The following CNNM4 variants were observed in gnomAD, a reference collection of about 807,000 sequenced individuals.
CNNM4 encodes metal transporter CNNM4.
In CNNM4, 32 loss-of-function variants were observed where a neutral mutation model predicts 53.7. The observed-to-expected ratio is 0.60, with a 90% CI of 0.45 to 0.80. The LOEUF (loss-of-function observed/expected upper bound fraction) is 0.80. CNNM4 is among the 30% of genes least tolerant of loss of function. The pLI, the probability that CNNM4 is intolerant of heterozygous loss-of-function variation, is 0.00. For missense variants in CNNM4, 784 were observed against 1,022.0 expected, an observed-to-expected ratio of 0.77 and a Z score of 3.17; for synonymous variants, 410 against 440.0, an observed-to-expected ratio of 0.93 and a Z score of 0.85.
chr2:96,792,802 C>CA (rs1250699840), intron 1 of CNNM4, among the ~76,000 whole-genome samples: 65 of 146,856 alleles, frequency 4.4e-4, no homozygotes, highest in African/African-American at 1.0e-3. Flanking sequence ...GACTACATCT[C>CA]AAAAAAAAAA....
chr2:96,785,190 T>C (rs1330977682), intron 1 of CNNM4, among the ~76,000 whole-genome samples: 1 of 152,198 alleles, frequency 6.6e-6, no homozygotes, highest in Admixed American at 6.5e-5. Context: ...TACGGGGTAT[T>C]CTAAAGGGAG....
At position 96,808,347 on chromosome 2, in the gene CNNM4, T is replaced by A. The variant is rs2079227000; in HGVS notation, c.1949-214T>A. Among the ~76,000 whole-genome samples the A allele has an allele frequency of 6.6e-6, 1 of 152,248 alleles. No homozygotes were observed. On this transcript the variant is annotated intron_variant, in intron 5 of 6. Transcript: ENST00000377075. This position sits in a 1 kb window ranked among gnomAD's most constrained non-coding sequence, Gnocchi z 4.9. ...TTGTTTTGGTAGACTTTTTAATACT[T>A]GTTGCACAATAGTTCTAAACAAACT...
chr2:96,809,433 G>A lies in CNNM4; in HGVS notation c.2244G>A (p.Glu748=), dbSNP rs765943725. The change falls in exon 7 of 7, where the codon GAG becomes GAA. Residue 748 remains glutamate (E), a synonymous_variant. Coordinates refer to ENST00000377075, the MANE Select transcript of CNNM4 (RefSeq NM_020184.4). ...THMENLAEKS[E]LPVVDETTTL... is the part of the protein sequence containing the mutation. ...TGGAGAACTTGGCCGAGAAGTCTGA[G>A]CTGCCTGTGGTGGACGAGACCACAA... 27 of 1,614,104 alleles carry A rather than the reference G, an allele frequency of 1.7e-5. No homozygotes were observed. In the Admixed American group the frequency reaches 2.3e-4, roughly 14 times the overall value.
chr2:96,763,653 A>G (rs1459616448), intron 1 of CNNM4, among the ~76,000 whole-genome samples: 5 of 152,040 alleles, frequency 3.3e-5, no homozygotes, highest in African/African-American at 1.2e-4. Context: ...ACAGCTTTGG[A>G]GTGGGATAGG....
Position 96,800,535 on chromosome 2 carries a change from C to T in CNNM4, c.1948+887C>T, listed in dbSNP as rs1480945271. Among the ~76,000 whole-genome samples, 1 of 152,184 alleles carries T rather than the reference C, an allele frequency of 6.6e-6. No individual in the cohort carries two copies. The highest frequency in any genetic ancestry group is 1.5e-5 in the Non-Finnish European group (1 of 68,022). On this transcript the variant is annotated intron_variant, in intron 5 of 6. Coordinates refer to ENST00000377075, the MANE Select transcript of CNNM4 (RefSeq NM_020184.4). This position sits in a 1 kb window ranked among gnomAD's most constrained non-coding sequence, Gnocchi z 4.6. Reference sequence around the variant, plus strand: ...ACTGACACCCAGCTTGGCTTATCCACCATGTCCTCGGCCCCTCCACCAGAT... The same window carrying T: ...ACTGACACCCAGCTTGGCTTATCCATCATGTCCTCGGCCCCTCCACCAGAT...
intron 1 of CNNM4, 89 bp downstream of exon 1, chr2:96,762,490 T>C: frequency 8.0e-7 from 1 of 1,248,964 alleles, no homozygotes; most frequent in East Asian, 2.4e-5. Context: ...TTTAGTGTTC[T>C]GTTTGTGTGA....
chr2:96,773,324 C>A (rs72809844), intron 1 of CNNM4, among the ~76,000 whole-genome samples: 1 of 152,120 alleles, frequency 6.6e-6, no homozygotes, highest in Non-Finnish European at 1.5e-5. Context: ...TGCAAGGTGC[C>A]GAGCCCTGTG....
chr2:96,773,111 C>T (rs2078894161), intron 1 of CNNM4, among the ~76,000 whole-genome samples: 1 of 152,218 alleles, frequency 6.6e-6, no homozygotes, highest in Non-Finnish European at 1.5e-5. Flanking sequence ...GGAGTCCTGC[C>T]TTAAACCGAA....
At chr2:96,778,239 T>C (rs756584794) in intron 1 of CNNM4, among the ~76,000 whole-genome samples, 4 of 151,694 alleles carry the variant, frequency 2.6e-5, no homozygotes, top group Non-Finnish European at 5.9e-5. Flanking sequence ...TTTATATAGT[T>C]ATGTATATCT....
intron 4 of CNNM4, 116 bp from the exon 5 acceptor site, chr2:96,799,436 C>A: frequency 8.8e-7 from 1 of 1,139,172 alleles, no homozygotes; most frequent in Non-Finnish European, 1.3e-6. Context: ...CTCTCCAGGG[C>A]TCCAGTACCG....
At chr2:96,790,482 G>A (rs1218543434) in intron 1 of CNNM4, among the ~76,000 whole-genome samples, 1 of 151,848 alleles carries the variant, frequency 6.6e-6, no homozygotes, top group African/African-American at 2.4e-5. Flanking sequence ...AGCCTCCCGA[G>A]TAGTTGGGAT....
rs1324923754 is a variant in CNNM4, at chr2:96,809,826, A to G, written c.*309A>G. On this transcript the variant is annotated 3_prime_UTR_variant, in exon 7 of 7. Coordinates refer to ENST00000377075, the MANE Select transcript of CNNM4 (RefSeq NM_020184.4). ...TTAAATATCATTTTGGGAAGGGAAG[A>G]CAGGGTTAAGGAACTTTATTTAAAA... The G allele has an allele frequency of 3.2e-6, 1 of 310,186 alleles. No individual in the cohort carries two copies. Among genetic ancestry groups the G allele is most frequent in the East Asian group, 5.5e-5 (1 of 18,192 alleles). 19.2% of individuals were successfully genotyped at this position (310,186 alleles called of 1,614,324 possible). A position where few individuals can be genotyped will look rare whatever the true frequency, so the allele number is the denominator to read the frequency against.
Position 96,761,604 on chromosome 2 carries a change from T to C in CNNM4, c.605T>C (p.Leu202Pro). 1 of 1,614,156 alleles carries C rather than the reference T, an allele frequency of 6.2e-7. No homozygotes were observed. The highest frequency in any genetic ancestry group is 8.5e-7 in the Non-Finnish European group (1 of 1,180,026). ...GTGCTGTCGGGCATATTTTCTGGCC[T>C]CAACCTCGGGCTTATGGCCCTGGAC... ...LLVLSGIFSG[L>P]NLGLMALDPM... is the part of the protein sequence containing the mutation. The change falls in exon 1 of 7, where the codon CTC becomes CCC. Residue 202 changes from leucine (L) to proline (P), a missense_variant. Around this residue, in one of 3 missense-constraint regions of CNNM4, gnomAD observed 473 missense variants for 624.6 expected, o/e 0.76. Transcript: ENST00000377075. The surrounding 1 kb of genome is among the most constrained non-coding windows in gnomAD (Gnocchi z 6.0).
At position 96,760,983 on chromosome 2, in the gene CNNM4, G is replaced by A. The variant is rs2153341216; in HGVS notation, c.-17G>A. The A allele has an allele frequency of 9.3e-7, 1 of 1,076,700 alleles. No homozygotes were observed. Among genetic ancestry groups the A allele is most frequent in the Non-Finnish European group, 1.1e-6 (1 of 889,318 alleles). The allele number at this position is 1,076,700 out of a possible 1,614,324, so 66.7% of individuals were successfully genotyped here. On this transcript the variant is annotated 5_prime_UTR_variant, in exon 1 of 7. Transcript: ENST00000377075. ...GCGTGGCGCGGGGAGCGGCGGCGGCGGCAGAGCCAGAGCAACATGGCGCCG... is the reference window on the plus strand; with the variant it reads ...GCGTGGCGCGGGGAGCGGCGGCGGCAGCAGAGCCAGAGCAACATGGCGCCG...
intron 1 of CNNM4, among the ~76,000 whole-genome samples, chr2:96,774,310 G>T (rs1023263174): frequency 6.6e-6 from 1 of 152,092 alleles, no homozygotes; most frequent in Admixed American, 6.6e-5. Flanking sequence ...TCTTGCCTCC[G>T]CAACAAAGAT....
intron 1 of CNNM4, among the ~76,000 whole-genome samples, chr2:96,785,791 G>A (rs2079011443): frequency 6.6e-6 from 1 of 152,008 alleles, no homozygotes; most frequent in Non-Finnish European, 1.5e-5. Flanking sequence ...GCAACAGAGA[G>A]AGACCCTGTC....
At position 96,778,674 on chromosome 2, in the gene CNNM4, A is replaced by T. The variant is rs192984398; in HGVS notation, c.1402+16273A>T. On this transcript the variant is annotated intron_variant, in intron 1 of 6. Coordinates refer to ENST00000377075, the MANE Select transcript of CNNM4 (RefSeq NM_020184.4). ...ACTATGTTGCCCAGGCTGGTCTTGAACTCCTGGGCTCAAGTAATCCTCCTG... is the reference window on the plus strand; with the variant it reads ...ACTATGTTGCCCAGGCTGGTCTTGATCTCCTGGGCTCAAGTAATCCTCCTG... 7.6e-5 allele frequency among the ~76,000 whole-genome samples: 11 copies of T among 145,398 alleles called. No homozygotes were observed. The East Asian group carries it at 2.3e-3, about 30-fold the overall frequency.
intron 1 of CNNM4, among the ~76,000 whole-genome samples, chr2:96,766,090 TTTTTC>T (rs1159889100): frequency 7.3e-6 from 1 of 136,744 alleles, no homozygotes; most frequent in Non-Finnish European, 1.6e-5. Context: ...GGCCTTTTTT[TTTTTC>T]TTTTCTTTTT....
rs2079116630 is a variant in CNNM4 at position 96,797,647 on chromosome 2, G to A, written c.1681G>A (p.Glu561Lys). ...GGCCGCTCATCGCTTCCTAGCCACA[G>A]GTAGCATGAGGAGGACCTTCCGGTC... Reference protein sequence around the residue: ...LLAAHRFLATEVSQFSPSLIS... With the variant: ...LLAAHRFLATKVSQFSPSLIS... The change falls in exon 3 of 7, where the codon GAG (glutamate) becomes AAG (lysine). Residue 561 changes from glutamate to lysine, a missense_variant and splice_region_variant. Coordinates refer to ENST00000377075, the MANE Select transcript of CNNM4 (RefSeq NM_020184.4). This position sits in a 1 kb window ranked among gnomAD's most constrained non-coding sequence, Gnocchi z 6.0. 6.2e-7 allele frequency: 1 copy of A among 1,613,870 alleles called. No individual in the cohort carries two copies. Among genetic ancestry groups the A allele is most frequent in the South Asian group, 1.1e-5 (1 of 91,082 alleles).
Sources: gnomAD v4.1 joint callset for allele counts (sites outside exome capture counted in the v4.1 genomes callset) on GRCh38, gnomAD v4.1.1 for gene constraint, gnomAD v4.1.1 regional missense constraint, Gnocchi (gnomAD v3.1) non-coding constraint, MANE v1.5 for transcripts, NCBI Gene and HGNC (gene_info 2026-07-23, HGNC 2026-07-21) for gene names.